Variants in DAB1 observed in about 807,000 individuals in gnomAD.
DAB1 encodes disabled homolog 1.
A neutral mutation model predicts 64.6 loss-of-function variants in DAB1; 15 were observed. That is an observed-to-expected ratio of 0.23 (90% CI 0.16 to 0.36). DAB1 has a LOEUF of 0.36. Among genes scored for constraint, DAB1 ranks in the 10% least tolerant of loss-of-function variants. DAB1 has a pLI of 1.00. For missense variants in DAB1, 596 were observed against 706.7 expected (o/e 0.84, Z 1.78); for synonymous variants, 235 against 251.9 (o/e 0.93, Z 0.64).
At chr1:57,086,422 G>A (rs1434915507) in intron 4 of DAB1, among the ~76,000 whole-genome samples, 1 of 152,080 alleles carries the variant, frequency 6.6e-6, no homozygotes, top group Non-Finnish European at 1.5e-5. Flanking sequence ...GGGTCTGAGG[G>A]CCCTGGCCAG....
chr1:58,090,570 C>A (rs1570339893), intron 5 of DAB1, among the ~76,000 whole-genome samples: 1 of 152,168 alleles, frequency 6.6e-6, no homozygotes, highest in Non-Finnish European at 1.5e-5. Flanking sequence ...CTTTCTCTTG[C>A]CCTTAATCAC....
At chr1:57,727,744 C>CCTTCCTTCCTTCCTTCCTTCCTTCCTTG (rs1647244498) in intron 6 of DAB1, among the ~76,000 whole-genome samples, 1 of 151,558 alleles carries the variant, frequency 6.6e-6, no homozygotes, top group Non-Finnish European at 1.5e-5. Flanking sequence ...TTCCTTCCTT[C>CCTTCCTTCCTTCCTTCCTTCCTTCCTTG]CTTCCTTCCT....
chr1:58,325,871 A>C (rs999421227), intron 4 of DAB1, among the ~76,000 whole-genome samples: 1 of 152,184 alleles, frequency 6.6e-6, no homozygotes, highest in Non-Finnish European at 1.5e-5. Context: ...TGAGAGGTGA[A>C]GCTTTATTGA....
intron 7 of DAB1, among the ~76,000 whole-genome samples, chr1:57,493,486 G>C (rs72676926): frequency 0.18 from 26,636 of 152,174 alleles, 2,859 homozygotes; most frequent in Non-Finnish European, 0.24. Context: ...TTTAAAGGCA[G>C]TATAGTATTC....
intron 5 of DAB1, among the ~76,000 whole-genome samples, chr1:57,922,407 AAGGG>A (rs1644820847): frequency 6.6e-6 from 1 of 152,082 alleles, no homozygotes; most frequent in South Asian, 2.1e-4. Context: ...GGGAAGAAGG[AAGGG>A]AGGAAGTTTA....
At chr1:57,295,919 G>A (rs1461548336) in intron 1 of DAB1, among the ~76,000 whole-genome samples, 6 of 151,970 alleles carry the variant, frequency 3.9e-5, no homozygotes, top group Non-Finnish European at 8.8e-5. Context: ...ATGTTAAATG[G>A]GCATCATAAG....
chr1:57,026,088 T>C lies in DAB1; in HGVS notation c.724-45A>G, dbSNP rs778333930. ...ATCATGTGACTACAAAGAAAGCTGGTGCTGCTGGGCCCTGCTTTACACACA... is the reference window on the plus strand; with the variant it reads ...ATCATGTGACTACAAAGAAAGCTGGCGCTGCTGGGCCCTGCTTTACACACA... On this transcript the variant is annotated intron_variant, in intron 9 of 14. Coordinates refer to ENST00000371236, the MANE Select transcript of DAB1 (RefSeq NM_001365792.1). 3.4e-6 allele frequency: 5 copies of C among 1,465,906 alleles called. No homozygotes were observed. In the Admixed American group the frequency reaches 8.7e-5, roughly 26 times the overall value. The allele number at this position is 1,465,906 out of a possible 1,614,324, so 90.8% of individuals were successfully genotyped here.
Position 57,014,978 on chromosome 1 carries a change from A to G in DAB1, c.1349T>C (p.Val450Ala), listed in dbSNP as rs1266219643. ...SEAFSSYFNKVGVAQDTDDCD... is the reference protein window; with the variant it reads ...SEAFSSYFNKAGVAQDTDDCD... ...GTCGTCTGTATCCTGTGCCACCCCGACTTTGTTGAAGTAACTGGAGAAGGC... is the reference window on the plus strand; with the variant it reads ...GTCGTCTGTATCCTGTGCCACCCCGGCTTTGTTGAAGTAACTGGAGAAGGC... The change falls in exon 12 of 15, where the codon GTC (valine) becomes GCC (alanine). Residue 450 changes from valine to alanine, a missense_variant. By Grantham distance (64) the Val-to-Ala change is moderately conservative. This residue lies in a region of DAB1 where 377 missense variants were observed against 400.4 expected (regional missense o/e 0.94). Transcript: ENST00000371236. The G allele has an allele frequency of 7.4e-6, 12 of 1,614,036 alleles. No homozygotes were observed. The highest frequency in any genetic ancestry group is 4.4e-5 in the South Asian group (4 of 91,066).
intron 5 of DAB1, among the ~76,000 whole-genome samples, chr1:57,917,143 G>A (rs2102017260): frequency 6.6e-6 from 1 of 152,202 alleles, no homozygotes; most frequent in South Asian, 2.1e-4. Context: ...TCCTAAATGT[G>A]CCTGCCTTAC....
chr1:57,751,054 T>C (rs1413302765), intron 6 of DAB1, among the ~76,000 whole-genome samples: 1 of 152,130 alleles, frequency 6.6e-6, no homozygotes, highest in African/African-American at 2.4e-5. Context: ...CAATTGAGGC[T>C]TACTGCTCAG....
chr1:57,319,420 T>C (rs754625938), intron 1 of DAB1, among the ~76,000 whole-genome samples: 2 of 152,132 alleles, frequency 1.3e-5, no homozygotes, highest in Non-Finnish European at 2.9e-5. Context: ...AGCCACTTCC[T>C]CTGCATGAGT....
chr1:57,649,448 A>G (rs1211163138), intron 7 of DAB1: 3 of 152,234 alleles, frequency 2.0e-5, no homozygotes, highest in African/African-American at 4.8e-5. Flanking sequence ...CAAAGGCTCC[A>G]TGAACCCTCT....
intron 5 of DAB1, among the ~76,000 whole-genome samples, chr1:58,009,956 A>T (rs1019856274): frequency 1.3e-5 from 2 of 152,136 alleles, no homozygotes; most frequent in Non-Finnish European, 1.5e-5. Flanking sequence ...TTACATAACA[A>T]CCCTATGAAG....
chr1:57,933,228 G>C (rs533634042), intron 5 of DAB1, among the ~76,000 whole-genome samples: 1 of 152,312 alleles, frequency 6.6e-6, no homozygotes, highest in East Asian at 1.9e-4. Flanking sequence ...GGTTCCAGTG[G>C]AGCTTTCTGC....
At chr1:57,394,775 G>A (rs1682668367) in intron 1 of DAB1, among the ~76,000 whole-genome samples, 1 of 152,152 alleles carries the variant, frequency 6.6e-6, no homozygotes, top group South Asian at 2.1e-4. Flanking sequence ...CTTTAACTGT[G>A]CATTGAGAAT....
chr1:58,475,076 C>A (rs191759379), intron 3 of DAB1, among the ~76,000 whole-genome samples: 245 of 152,250 alleles, frequency 1.6e-3, no homozygotes, highest in African/African-American at 5.6e-3. Flanking sequence ...CAGATTTAAA[C>A]ATTAGAATGT....
chr1:58,487,050 G>A lies in DAB1; in HGVS notation n.257+19010C>T, dbSNP rs567794284. The stretch of plus-strand genomic sequence containing the variant: ...AAAGGACATTACAATGATCACTCTG[G>A]CTACATATTGAAAATAGGTTGTTAG... On this transcript the variant is annotated intron_variant and non_coding_transcript_variant, in intron 3 of 20. Transcript: ENST00000485760. 7.2e-5 allele frequency among the ~76,000 whole-genome samples: 11 copies of A among 152,308 alleles called. No individual in the cohort carries two copies. The East Asian group carries it at 1.9e-3, about 27-fold the overall frequency.
chr1:58,230,719 C>T (rs772500519), intron 4 of DAB1, among the ~76,000 whole-genome samples: 3 of 152,178 alleles, frequency 2.0e-5, no homozygotes, highest in Admixed American at 6.5e-5. Flanking sequence ...GACATATGAC[C>T]AAATGCAGCA....
At chr1:57,698,288 G>A (rs563149346) in intron 6 of DAB1, among the ~76,000 whole-genome samples, 12 of 150,962 alleles carry the variant, frequency 7.9e-5, no homozygotes, top group South Asian at 6.3e-4. Context: ...GTAGAGATGG[G>A]GGTCTCACTA....
Sources: allele counts gnomAD v4.1 joint callset (sites outside exome capture counted in the v4.1 genomes callset), GRCh38; gene constraint gnomAD v4.1.1; regional missense constraint gnomAD v4.1.1; transcripts MANE v1.5; gene names NCBI Gene and HGNC (gene_info 2026-07-23, HGNC 2026-07-21).